RDX: variants seen among roughly 807,000 people sequenced by gnomAD.
RDX encodes the protein radixin.
In RDX, 32 loss-of-function variants were observed where a neutral mutation model predicts 83.7. That is an observed-to-expected ratio of 0.38 (90% confidence interval 0.29 to 0.51). The LOEUF (loss-of-function observed/expected upper bound fraction) is 0.51. RDX is among the 20% of genes least tolerant of loss of function. RDX has a pLI of 0.87. For missense variants in RDX, 600 were observed against 689.9 expected (o/e 0.87, Z 1.46); for synonymous variants, 229 against 222.7 (o/e 1.03, Z -0.25).
chr11:110,264,004 A>C lies in RDX; in HGVS notation c.423T>G (p.Ile141Met). 1 of 1,613,778 alleles carries C rather than the reference A, an allele frequency of 6.2e-7. No homozygotes were observed. The highest frequency in any genetic ancestry group is 8.5e-7 in the Non-Finnish European group (1 of 1,179,702). The stretch of plus-strand genomic sequence containing the variant: ...CATTAGCCAGGTAGCCTGGCTTATG[A>C]ATCTCTTTATTGTAATCTCCATACT... Reference protein sequence around the residue: ...QAKYGDYNKEIHKPGYLANDR... With the variant: ...QAKYGDYNKEMHKPGYLANDR... The change falls in exon 5 of 14, where the codon ATT (isoleucine) becomes ATG (methionine). Residue 141 changes from isoleucine to methionine, a missense_variant. Transcript: ENST00000645495.
At chr11:110,205,777 C>T (rs1316660189) in intron 14 of RDX, among the ~76,000 whole-genome samples, 1 of 152,088 alleles carries the variant, frequency 6.6e-6, no homozygotes, top group East Asian at 1.9e-4. Flanking sequence ...TGGATATAGC[C>T]TTACTTTAGG....
chr11:110,215,477 C>G (rs1304106159), intron 14 of RDX, among the ~76,000 whole-genome samples: 2 of 152,190 alleles, frequency 1.3e-5, no homozygotes, highest in East Asian at 3.9e-4. Flanking sequence ...AATCTTTAAG[C>G]TATATTGACC....
intron 14 of RDX, among the ~76,000 whole-genome samples, chr11:110,205,048 A>C (rs942380606): frequency 6.6e-6 from 1 of 152,222 alleles, no homozygotes; most frequent in Non-Finnish European, 1.5e-5. Flanking sequence ...TAGTATTGAC[A>C]CAGGGATAGA....
chr11:110,293,921 A>T (rs1307230054), intron 1 of RDX, among the ~76,000 whole-genome samples: 1 of 152,258 alleles, frequency 6.6e-6, no homozygotes, highest in Non-Finnish European at 1.5e-5. Context: ...TAGTAGCATA[A>T]ATTAAAATGC....
chr11:110,234,154 A>G (rs1864748682), intron 12 of RDX, among the ~76,000 whole-genome samples: 1 of 152,206 alleles, frequency 6.6e-6, no homozygotes, highest in East Asian at 1.9e-4. Context: ...GATGCACTGT[A>G]GTCAAAACAT....
chr11:110,270,250 T>A (rs1383008188), intron 3 of RDX, among the ~76,000 whole-genome samples: 1 of 152,120 alleles, frequency 6.6e-6, no homozygotes, highest in Non-Finnish European at 1.5e-5. Flanking sequence ...TATAGCCTAC[T>A]ACACACCTAG....
intron 2 of RDX, chr11:110,273,068 A>T: frequency 2.2e-6 from 1 of 456,236 alleles, no homozygotes; most frequent in Non-Finnish European, 4.4e-6. Context: ...AAAATTTAAA[A>T]ATTAGTTGGG....
intron 10 of RDX, among the ~76,000 whole-genome samples, chr11:110,242,846 G>C (rs1865154608): frequency 6.6e-6 from 1 of 151,648 alleles, no homozygotes; most frequent in Non-Finnish European, 1.5e-5. Context: ...ATGGCTCATG[G>C]AGCAAACCCA....
chr11:110,200,163 A>C (rs946254873), intron 14 of RDX: 1 of 158,660 alleles, frequency 6.3e-6, no homozygotes, highest in Non-Finnish European at 1.4e-5. Flanking sequence ...GATCCAAAAT[A>C]CTTTATAGTG....
chr11:110,256,755 T>C (rs1859562074), intron 7 of RDX, among the ~76,000 whole-genome samples: 1 of 152,212 alleles, frequency 6.6e-6, no homozygotes, highest in East Asian at 1.9e-4. Context: ...AGTCTTGAAG[T>C]CATTTTTGCT....
chr11:110,215,613 G>C (rs535004382), intron 14 of RDX, among the ~76,000 whole-genome samples: 15 of 152,072 alleles, frequency 9.9e-5, no homozygotes, highest in Non-Finnish European at 1.3e-4. Flanking sequence ...TATTCAAGTC[G>C]AACTTAAGAT....
At position 110,231,931 on chromosome 11, in the gene RDX, T is replaced by C. The variant is rs1179716581; in HGVS notation, c.1690A>G (p.Thr564Ala). 1 of 1,613,756 alleles carries C rather than the reference T, an allele frequency of 6.2e-7. No homozygotes were observed. The highest frequency in any genetic ancestry group is 1.7e-4 in the Middle Eastern group (1 of 5,838). The change falls in exon 14 of 14, where the codon ACT (threonine) becomes GCT (alanine). Residue 564 changes from threonine to alanine, a missense_variant. By Grantham distance (58) the Thr-to-Ala change is moderately conservative. Coordinates refer to ENST00000645495, the MANE Select transcript of RDX (RefSeq NM_002906.4). ...NVKAGRDKYK[T>A]LRQIRQGNTK... ...TTGCCTTGTCGAATCTGTCGCAGAGTCTTGTACTTATCACGGCCTGCTTTA... is the reference window on the plus strand; with the variant it reads ...TTGCCTTGTCGAATCTGTCGCAGAGCCTTGTACTTATCACGGCCTGCTTTA...
chr11:110,178,173 C>T (rs1862814371), intron 15 of RDX, among the ~76,000 whole-genome samples: 2 of 152,138 alleles, frequency 1.3e-5, no homozygotes, highest in South Asian at 4.1e-4. Flanking sequence ...CCAGCAAAGA[C>T]AAAATCCACA....
At chr11:110,184,919 C>G (rs1862957818) in intron 15 of RDX, among the ~76,000 whole-genome samples, 1 of 152,034 alleles carries the variant, frequency 6.6e-6, no homozygotes, top group South Asian at 2.1e-4. Context: ...GGAGGGGGGG[C>G]TAGGGCCTGA....
rs543070739 is a variant in RDX, at chr11:110,203,712, CA to C, written c.1749-4035del. 2.7e-4 allele frequency among the ~76,000 whole-genome samples: 41 copies of C among 151,764 alleles called. No individual in the cohort carries two copies. The South Asian group carries it at 7.5e-3, about 28-fold the overall frequency. On this transcript the variant is annotated intron_variant, in intron 14 of 15. Transcript: ENST00000528498. ...ATAAAATTTTTAGTAGCATCATCTA[CA>C]AAAAAGTTTTAAAAATTAAAAAATT... is the stretch of plus-strand genomic sequence containing the variant.
At chr11:110,266,591 A>G (rs1219380050) in intron 3 of RDX, among the ~76,000 whole-genome samples, 2 of 151,670 alleles carry the variant, frequency 1.3e-5, no homozygotes, top group African/African-American at 4.8e-5. Context: ...TTTTAAAGAC[A>G]GGGTCTCACT....
chr11:110,294,622 G>A (rs1294153126), intron 1 of RDX, among the ~76,000 whole-genome samples: 3 of 151,950 alleles, frequency 2.0e-5, no homozygotes, highest in African/African-American at 7.3e-5. Context: ...GGAGACTAAT[G>A]AGACTCAGCA....
intron 14 of RDX, among the ~76,000 whole-genome samples, chr11:110,218,805 T>A (rs903858243): frequency 6.6e-6 from 1 of 152,158 alleles, no homozygotes; most frequent in Non-Finnish European, 1.5e-5. Flanking sequence ...TTAGGGATCA[T>A]CTCCCACAGG....
chr11:110,250,699 G>A (rs1478381745), intron 9 of RDX, among the ~76,000 whole-genome samples: 2 of 152,084 alleles, frequency 1.3e-5, no homozygotes, highest in African/African-American at 4.8e-5. Flanking sequence ...GGGAGGGGGT[G>A]GGGAATGGTC....
Sources: gnomAD v4.1 joint callset for allele counts (sites outside exome capture counted in the v4.1 genomes callset) on GRCh38, gnomAD v4.1.1 for gene constraint, MANE v1.5 for transcripts, NCBI Gene and HGNC (gene_info 2026-07-23, HGNC 2026-07-21) for gene names.